SQSTM1: variants seen among roughly 807,000 people sequenced by gnomAD.
SQSTM1 encodes the protein sequestosome 1, also known as sequestosome-1.
Under a neutral mutation model 45.1 loss-of-function variants are expected in SQSTM1, and 36 were observed. The observed-to-expected ratio is 0.80, with a 90% CI of 0.61 to 1.05. The LOEUF is 1.05. Ranked by LOEUF, SQSTM1 falls within the 50% of genes least tolerant of loss-of-function variation. The pLI is 0.00. For synonymous variants in SQSTM1, 290 were observed against 244.3 expected (o/e 1.19, Z -1.74); for missense variants, 617 against 607.1 (o/e 1.02, Z -0.17).
chr5:179,821,224 C>A, intron 1 of SQSTM1, 83 bp downstream of exon 1: 1 of 1,249,766 alleles, frequency 8.0e-7, no homozygotes, highest in Non-Finnish European at 1.0e-6. Flanking sequence ...CCTCCCTTCT[C>A]GGCGACGCCT....
chr5:179,815,288 G>A (rs1445039423), upstream of SQSTM1, among the ~76,000 whole-genome samples: 2 of 151,940 alleles, frequency 1.3e-5, 1 homozygote, highest in South Asian at 4.2e-4. Context: ...ATGGTGGTGG[G>A]CGCCTGTAAT....
At chr5:179,831,001 C>T (rs73334039) in intron 5 of SQSTM1, among the ~76,000 whole-genome samples, 3,816 of 152,308 alleles carry the variant, frequency 0.025, 144 homozygotes, top group African/African-American at 0.086. Context: ...TGTGCCTGGT[C>T]CAGCCTAGAA....
chr5:179,807,618 T>A (rs1344693099), intron 1 of SQSTM1: 1 of 149,460 alleles, frequency 6.7e-6, no homozygotes, highest in African/African-American at 2.4e-5. Context: ...GCCCACGCCT[T>A]CATTGTTTTT....
rs765194020 is a variant in SQSTM1 at position 179,837,827 on chromosome 5, T to C, written c.*1234T>C. 1.7e-5 allele frequency: 27 copies of C among 1,613,132 alleles called. 1 individual carries two copies. In the Middle Eastern group the frequency reaches 3.3e-3, roughly 197 times the overall value. On this transcript the variant is annotated 3_prime_UTR_variant, in exon 8 of 8. Transcript: ENST00000389805. ...CTCCCCGGCACTGCAGTCTGCAGAG[T>C]TCTCCTGGAGGCAGGGGCTGCTGCC...
In SQSTM1 at chr5:179,836,857, C is replaced by T. The variant is rs1463646294; in HGVS notation, c.*264C>T. On this transcript the variant is annotated 3_prime_UTR_variant, in exon 8 of 8. Coordinates refer to ENST00000389805, the MANE Select transcript of SQSTM1 (RefSeq NM_003900.5). Reference sequence around the variant, plus strand: ...GACCCAAGGCTCACTGCAGCGCGCTCCTGACCCCTCCCTGCAGGGGCTACG... The same window carrying T: ...GACCCAAGGCTCACTGCAGCGCGCTTCTGACCCCTCCCTGCAGGGGCTACG... The T allele has an allele frequency of 4.8e-6, 3 of 625,530 alleles. No homozygotes were observed. Among genetic ancestry groups the T allele is most frequent in the African/African-American group, 1.8e-5 (1 of 54,492 alleles). The allele number at this position is 625,530 out of a possible 1,614,324, so 38.7% of individuals were successfully genotyped here.
upstream of SQSTM1, among the ~76,000 whole-genome samples, chr5:179,816,075 C>T (rs1437024640): frequency 4.6e-5 from 7 of 152,092 alleles, no homozygotes; most frequent in Non-Finnish European, 5.9e-5. Context: ...GGTAAGTACC[C>T]GTCCTGGGGT....
intron 5 of SQSTM1, among the ~76,000 whole-genome samples, chr5:179,832,605 G>T (rs1175667989): frequency 6.6e-6 from 1 of 152,242 alleles, no homozygotes; most frequent in East Asian, 1.9e-4. Context: ...CCCACCTGCC[G>T]TGTGGCCCGT....
intron 5 of SQSTM1, among the ~76,000 whole-genome samples, chr5:179,826,099 G>A (rs565457654): frequency 6.6e-5 from 10 of 151,944 alleles, no homozygotes; most frequent in South Asian, 6.2e-4. Flanking sequence ...AGGGGCGTCC[G>A]AACCATGCCT....
chr5:179,827,642 C>T (rs769666298), intron 5 of SQSTM1, among the ~76,000 whole-genome samples: 54 of 152,328 alleles, frequency 3.5e-4, no homozygotes, highest in African/African-American at 5.3e-4. Flanking sequence ...TTGCTTTCTC[C>T]GAACTAGGGA....
chr5:179,810,097 T>A (rs897616912), intron 1 of SQSTM1, among the ~76,000 whole-genome samples: 13 of 152,194 alleles, frequency 8.5e-5, no homozygotes, highest in South Asian at 2.1e-4. Context: ...AATTTTTTTT[T>A]AATTTAAATT....
chr5:179,827,012 A>T (rs538144847), intron 5 of SQSTM1, among the ~76,000 whole-genome samples: 19 of 152,334 alleles, frequency 1.2e-4, no homozygotes, highest in Admixed American at 1.2e-3. Flanking sequence ...ATTGCCGGTG[A>T]ATTTGGAGAT....
At chr5:179,825,333 G>T (rs1417810638) in intron 5 of SQSTM1, 107 bp downstream of exon 5, 1 of 1,020,508 alleles carries the variant, frequency 9.8e-7, no homozygotes. Context: ...CCTTGACACT[G>T]GTGAGGATTT....
rs1208662086 is a variant in SQSTM1, at chr5:179,820,940, G to T, written c.4G>T (p.Ala2Ser). The change falls in exon 1 of 8, where the codon GCG becomes TCG. Residue 2 changes from alanine to serine, a missense_variant. By Grantham distance (99) the Ala-to-Ser change is moderately conservative. Coordinates refer to ENST00000389805, the MANE Select transcript of SQSTM1 (RefSeq NM_003900.5). The part of the protein sequence containing the change: M[A>S]SLTVKAYLLG... ...TTCCGCCAGCTCGCCGCTCGCTATG[G>T]CGTCGCTCACCGTGAAGGCCTACCT... 2 of 1,552,136 alleles carry T rather than the reference G, an allele frequency of 1.3e-6. No homozygotes were observed. Among genetic ancestry groups the T allele is most frequent in the Admixed American group, 1.8e-5 (1 of 55,464 alleles).
intron 7 of SQSTM1, chr5:179,835,406 G>A (rs1268607142): frequency 1.3e-5 from 2 of 158,952 alleles, no homozygotes; most frequent in African/African-American, 2.4e-5. Context: ...ATTGAGCACT[G>A]AGTGAACCAG....
chr5:179,813,026 G>T (rs1757477870), intron 2 of SQSTM1: 1 of 136,214 alleles, frequency 7.3e-6, no homozygotes, highest in South Asian at 2.3e-4. Flanking sequence ...AAAGAAAAAA[G>T]CATGTTTCTA....
chr5:179,807,559 G>A (rs954566013), intron 1 of SQSTM1: 2 of 152,432 alleles, frequency 1.3e-5, no homozygotes, highest in African/African-American at 4.8e-5. Context: ...TGCCCCCGGT[G>A]GTGTAGGGGC....
chr5:179,826,356 G>A (rs1490087131), intron 5 of SQSTM1, among the ~76,000 whole-genome samples: 1 of 152,004 alleles, frequency 6.6e-6, no homozygotes, highest in South Asian at 2.1e-4. Flanking sequence ...TAGTAGAGAC[G>A]GGGTTTCGCC....
At position 179,836,413 on chromosome 5, in the gene SQSTM1, T is replaced by C. The variant is rs773915429; in HGVS notation, c.1166-23T>C. On this transcript the variant is annotated intron_variant, in intron 7 of 7. Transcript: ENST00000389805. ...TCACAGGGCTCAGCACCACTCCTCATGGCTTCCTTACTGTTTCGGCAGAGG... is the reference window on the plus strand; with the variant it reads ...TCACAGGGCTCAGCACCACTCCTCACGGCTTCCTTACTGTTTCGGCAGAGG... 2.1e-5 allele frequency: 34 copies of C among 1,614,072 alleles called. No individual in the cohort carries two copies. In the Admixed American group the frequency reaches 5.0e-4, roughly 24 times the overall value.
At chr5:179,827,441 C>T (rs1351273159) in intron 5 of SQSTM1, among the ~76,000 whole-genome samples, 10 of 152,160 alleles carry the variant, frequency 6.6e-5, no homozygotes, top group Admixed American at 1.3e-4. Context: ...CCCACCACCA[C>T]GCCCGGCTAG....
Sources: allele counts gnomAD v4.1 joint callset (sites outside exome capture counted in the v4.1 genomes callset), GRCh38; gene constraint gnomAD v4.1.1; transcripts MANE v1.5; gene names NCBI Gene and HGNC (gene_info 2026-07-23, HGNC 2026-07-21).